The following GPC5 variants were observed in gnomAD, a reference collection of about 807,000 sequenced individuals.
GPC5 encodes the protein glypican-5.
GPC5 carries 47 observed loss-of-function variants against 53.9 expected under a neutral mutation model. That is an observed-to-expected ratio of 0.87 (90% CI 0.69 to 1.11). The LOEUF is 1.11. Among genes scored for constraint, GPC5 ranks in the 50% most tolerant of loss-of-function variants. The pLI is 0.00. For missense variants in GPC5, 748 were observed against 713.1 expected, an observed-to-expected ratio of 1.05 and a Z score of -0.56; for synonymous variants, 286 against 263.3, an observed-to-expected ratio of 1.09 and a Z score of -0.84.
At chr13:92,473,969 A>T (rs1034434559) in intron 7 of GPC5, among the ~76,000 whole-genome samples, 6 of 152,162 alleles carry the variant, frequency 3.9e-5, no homozygotes, top group African/African-American at 1.4e-4. Flanking sequence ...TTGAAGCAAT[A>T]TCAGGAGATC....
At chr13:91,639,219 T>C (rs892327545) in intron 2 of GPC5, among the ~76,000 whole-genome samples, 1 of 152,244 alleles carries the variant, frequency 6.6e-6, no homozygotes, top group Admixed American at 6.5e-5. Context: ...TATAAGTGTA[T>C]TGAGTTGGGC....
At chr13:92,003,177 G>T (rs2040571447) in intron 6 of GPC5, among the ~76,000 whole-genome samples, 1 of 151,794 alleles carries the variant, frequency 6.6e-6, no homozygotes, top group African/African-American at 2.4e-5. Context: ...TGGGCGTGGT[G>T]GTGCATACCT....
At chr13:92,676,756 A>T (rs1358177241) in intron 7 of GPC5, among the ~76,000 whole-genome samples, 2 of 152,184 alleles carry the variant, frequency 1.3e-5, no homozygotes, top group African/African-American at 4.8e-5. Context: ...CATCTATGAA[A>T]ACTATTTACT....
Position 91,534,824 on chromosome 13 carries a change from A to T in GPC5, c.325+85902A>T, listed in dbSNP as rs183358011. Among the ~76,000 whole-genome samples the T allele has an allele frequency of 2.8e-4, 42 of 152,264 alleles. 1 individual carries two copies. In the East Asian group the frequency reaches 8.1e-3, roughly 29 times the overall value. On this transcript the variant is annotated intron_variant, in intron 2 of 7. Coordinates refer to ENST00000377067, the MANE Select transcript of GPC5 (RefSeq NM_004466.6). ...TTTTGTTTTGTACATAGCCCAGTCC[A>T]TGGCATTATCATTTTTTGGCTTGGC...
At chr13:91,470,992 T>C (rs928502904) in intron 2 of GPC5, among the ~76,000 whole-genome samples, 1 of 152,122 alleles carries the variant, frequency 6.6e-6, no homozygotes, top group African/African-American at 2.4e-5. Context: ...ATCACTTCCA[T>C]GAAGTGCTGA....
At chr13:92,717,746 C>T (rs1160731234) in intron 7 of GPC5, among the ~76,000 whole-genome samples, 3 of 152,104 alleles carry the variant, frequency 2.0e-5, no homozygotes, top group Non-Finnish European at 4.4e-5. Flanking sequence ...TTCATACAAA[C>T]ATTAAAGGTT....
intron 6 of GPC5, among the ~76,000 whole-genome samples, chr13:92,022,815 A>G (rs925718215): frequency 6.6e-6 from 1 of 152,024 alleles, no homozygotes; most frequent in African/African-American, 2.4e-5. Context: ...TCCTTGATAT[A>G]AATAAGGGGA....
chr13:91,730,455 C>G (rs533414109), intron 4 of GPC5, among the ~76,000 whole-genome samples: 2 of 152,114 alleles, frequency 1.3e-5, no homozygotes, highest in African/African-American at 4.8e-5. Flanking sequence ...TACTTCTATT[C>G]GAGCCTAGTC....
At chr13:92,541,680 T>G (rs1881935646) in intron 7 of GPC5, among the ~76,000 whole-genome samples, 1 of 151,908 alleles carries the variant, frequency 6.6e-6, no homozygotes, top group African/African-American at 2.4e-5. Context: ...TTGGAGAATG[T>G]TCATGACCAT....
intron 7 of GPC5, among the ~76,000 whole-genome samples, chr13:92,738,631 A>G (rs1889002990): frequency 6.6e-6 from 1 of 152,150 alleles, no homozygotes; most frequent in Non-Finnish European, 1.5e-5. Flanking sequence ...CTTTTTGTTG[A>G]TAAGACCAAC....
chr13:92,137,876 T>C (rs1025045543), intron 6 of GPC5, among the ~76,000 whole-genome samples: 3 of 152,198 alleles, frequency 2.0e-5, no homozygotes, highest in African/African-American at 7.2e-5. Flanking sequence ...TTTTAAGTTT[T>C]AAAAAATTAT....
intron 7 of GPC5, among the ~76,000 whole-genome samples, chr13:92,425,198 C>T (rs534450517): frequency 6.6e-6 from 1 of 151,868 alleles, no homozygotes; most frequent in South Asian, 2.1e-4. Context: ...CTGTAAAAGA[C>T]CTTTATTTAT....
At chr13:92,628,959 G>C (rs7997647) in intron 7 of GPC5, among the ~76,000 whole-genome samples, 64,566 of 151,906 alleles carry the variant, frequency 0.43, 14,409 homozygotes, top group East Asian at 0.69. Context: ...CTCTCTTGTT[G>C]TGCACTGTTC....
chr13:92,047,239 T>A (rs1423389487), intron 6 of GPC5, among the ~76,000 whole-genome samples: 2 of 152,152 alleles, frequency 1.3e-5, no homozygotes, highest in African/African-American at 2.4e-5. Flanking sequence ...TCATTTTTTT[T>A]ATAACAAAAT....
chr13:92,305,939 G>T (rs1323865600), intron 7 of GPC5, among the ~76,000 whole-genome samples: 1 of 152,146 alleles, frequency 6.6e-6, no homozygotes, highest in Non-Finnish European at 1.5e-5. Flanking sequence ...GCCCAAGAAA[G>T]GCAAAGTAAA....
intron 7 of GPC5, among the ~76,000 whole-genome samples, chr13:92,635,174 T>C (rs887637110): frequency 6.3e-4 from 96 of 152,262 alleles, no homozygotes; most frequent in East Asian, 1.9e-4. Context: ...GTACTATGTA[T>C]ATATGTGTAT....
chr13:91,839,909 C>T (rs111606149), intron 5 of GPC5, among the ~76,000 whole-genome samples: 5 of 151,986 alleles, frequency 3.3e-5, no homozygotes, highest in South Asian at 2.1e-4. Context: ...ATCATGGCAA[C>T]GAAGGCATCT....
At chr13:92,197,746 G>A (rs2042267353) in intron 7 of GPC5, among the ~76,000 whole-genome samples, 1 of 151,482 alleles carries the variant, frequency 6.6e-6, no homozygotes, top group African/African-American at 2.4e-5. Flanking sequence ...GAACTCCTGG[G>A]CTTAAGCGAT....
chr13:91,888,988 C>T lies in GPC5; in HGVS notation c.1281-18949C>T, dbSNP rs555526367. On this transcript the variant is annotated intron_variant, in intron 5 of 7. Transcript: ENST00000377067. ...GGTCATGTGGCTGAGACCTGGGCCG[C>T]TGGAGTTATGAATTGCTAGACTGGC... Among the ~76,000 whole-genome samples the T allele has an allele frequency of 5.9e-5, 9 of 152,300 alleles. No homozygotes were observed. In the East Asian group the frequency reaches 1.7e-3, roughly 29 times the overall value.
Sources: allele counts gnomAD v4.1 joint callset (sites outside exome capture counted in the v4.1 genomes callset), GRCh38; gene constraint gnomAD v4.1.1; transcripts MANE v1.5; gene names NCBI Gene and HGNC (gene_info 2026-07-23, HGNC 2026-07-21).